The following ATP11A variants were observed in gnomAD, a reference collection of about 807,000 sequenced individuals.
ATP11A encodes ATPase phospholipid transporting 11A, also known as phospholipid-transporting ATPase IH.
A neutral mutation model predicts 154.4 loss-of-function variants in ATP11A; 81 were observed. The ratio of observed to expected loss-of-function variants is 0.52; its 90% CI spans 0.44 to 0.63. ATP11A has a LOEUF of 0.63. Among genes scored for constraint, ATP11A ranks in the 30% least tolerant of loss-of-function variants. The probability of loss-of-function intolerance (pLI) is 0.00; values close to 1 mark genes in which losing one functional copy is unlikely to be tolerated. For synonymous variants in ATP11A, 623 were observed against 585.9 expected (o/e 1.06, Z -0.91); for missense variants, 1,316 against 1,474.3 (o/e 0.89, Z 1.76).
At chr13:112,852,387 C>T (rs748191517) in intron 18 of ATP11A, among the ~76,000 whole-genome samples, 1 of 152,144 alleles carries the variant, frequency 6.6e-6, no homozygotes, top group Non-Finnish European at 1.5e-5. Flanking sequence ...GAGTATTAGG[C>T]GAAGTGGGAA....
intron 17 of ATP11A, among the ~76,000 whole-genome samples, chr13:112,849,052 T>C (rs771054819): frequency 2.0e-5 from 3 of 152,224 alleles, no homozygotes; most frequent in Non-Finnish European, 4.4e-5. Context: ...GTTTATTAAG[T>C]GGTTTTATCA....
At chr13:112,822,322 G>A (rs1340549341) in intron 8 of ATP11A, among the ~76,000 whole-genome samples, 3 of 152,164 alleles carry the variant, frequency 2.0e-5, no homozygotes, top group Non-Finnish European at 4.4e-5. Context: ...GCCCCTGATG[G>A]CAGAGACCCT....
intron 1 of ATP11A, among the ~76,000 whole-genome samples, chr13:112,730,622 T>A (rs1890389785): frequency 6.6e-6 from 1 of 152,232 alleles, no homozygotes; most frequent in Admixed American, 6.5e-5. Context: ...GTGCGGAGTC[T>A]GCGCAGGGCC....
chr13:112,714,942 C>T (rs1888253772), intron 1 of ATP11A, among the ~76,000 whole-genome samples: 1 of 151,844 alleles, frequency 6.6e-6, no homozygotes, highest in Non-Finnish European at 1.5e-5. Context: ...TCTCCTCCTT[C>T]CCCCTTCCCG....
chr13:112,787,273 C>A (rs1356336837), intron 2 of ATP11A, among the ~76,000 whole-genome samples: 2 of 128,756 alleles, frequency 1.6e-5, no homozygotes, highest in Non-Finnish European at 3.1e-5. Flanking sequence ...TGCGTAGACT[C>A]CTGTGGATAC....
At chr13:112,722,277 G>T (rs1006529278) in intron 1 of ATP11A, among the ~76,000 whole-genome samples, 5 of 146,958 alleles carry the variant, frequency 3.4e-5, no homozygotes, top group Non-Finnish European at 7.5e-5. Flanking sequence ...CCGGCGGGGG[G>T]TAGGGGGACC....
chr13:112,862,596 C>T (rs147913980), intron 25 of ATP11A, 21 bp downstream of exon 25: 15 of 1,613,754 alleles, frequency 9.3e-6, no homozygotes, highest in Middle Eastern at 1.7e-4. Flanking sequence ...AGCTCGATTG[C>T]GCTGACTTAG....
intron 1 of ATP11A, among the ~76,000 whole-genome samples, chr13:112,776,886 C>T (rs989861415): frequency 1.3e-5 from 2 of 150,714 alleles, no homozygotes; most frequent in East Asian, 2.0e-4. Context: ...CTTGAGCCCC[C>T]GCGACCAGCC....
chr13:112,827,909 T>C (rs1418375355), intron 12 of ATP11A, among the ~76,000 whole-genome samples: 1 of 152,256 alleles, frequency 6.6e-6, no homozygotes, highest in African/African-American at 2.4e-5. Context: ...CAGTGCTTTA[T>C]TGTTTGAGTC....
At chr13:112,856,234 G>A (rs923979652) in intron 20 of ATP11A, 149 bp downstream of exon 20, 42 of 790,292 alleles carry the variant, frequency 5.3e-5, no homozygotes, top group Middle Eastern at 7.9e-4. Context: ...GATTTAAAAC[G>A]CAGATCTTGT....
intron 4 of ATP11A, among the ~76,000 whole-genome samples, chr13:112,809,274 G>A (rs1290018638): frequency 6.6e-6 from 1 of 152,230 alleles, no homozygotes; most frequent in Admixed American, 6.5e-5. Flanking sequence ...GCAATCAGAT[G>A]CCACAGTGTC....
At chr13:112,803,677 C>T (rs1233951774) in intron 2 of ATP11A, among the ~76,000 whole-genome samples, 2 of 148,006 alleles carry the variant, frequency 1.4e-5, no homozygotes. Flanking sequence ...GCTGGGCATT[C>T]TCCCTCCTTC....
rs2078466857 is a variant in ATP11A, at chr13:112,810,667, T to C, written c.382T>C (p.Cys128Arg). ...RHKADNAMNQCPVHFIQHGKL... is the reference protein window; with the variant it reads ...RHKADNAMNQRPVHFIQHGKL... ...TAAAGCAGACAATGCCATGAACCAG[T>C]GTCCTGTTCATTTCATTCAGCACGG... Residue 128 changes from cysteine to arginine, a missense_variant, in exon 5 of 30, where the codon TGT (cysteine) becomes CGT (arginine). Physicochemically the swap from Cys to Arg is radical, Grantham distance 180 (BLOSUM62 -3). Coordinates refer to ENST00000375645, the MANE Select transcript of ATP11A (RefSeq NM_015205.3). 7 of 1,614,046 alleles carry C rather than the reference T, an allele frequency of 4.3e-6. No homozygotes were observed. The highest frequency in any genetic ancestry group is 1.7e-5 in the Admixed American group (1 of 60,010).
chr13:112,692,205 C>G (rs543705035), intron 1 of ATP11A, among the ~76,000 whole-genome samples: 2 of 152,252 alleles, frequency 1.3e-5, no homozygotes, highest in East Asian at 3.9e-4. Flanking sequence ...TTCCTTCGAG[C>G]GAAATGGAAG....
At chr13:112,845,119 A>G (rs925276835) in intron 17 of ATP11A, among the ~76,000 whole-genome samples, 33 of 151,706 alleles carry the variant, frequency 2.2e-4, no homozygotes, top group Non-Finnish European at 4.4e-4. Context: ...CGGTACTAGT[A>G]CTAGTCCAAG....
intron 17 of ATP11A, among the ~76,000 whole-genome samples, chr13:112,847,576 A>G (rs2079645482): frequency 6.6e-6 from 1 of 152,140 alleles, no homozygotes; most frequent in African/African-American, 2.4e-5. Flanking sequence ...CGGTACCTGG[A>G]GGTTTATTTC....
At chr13:112,715,777 G>T (rs1455496702) in intron 1 of ATP11A, among the ~76,000 whole-genome samples, 1 of 151,868 alleles carries the variant, frequency 6.6e-6, no homozygotes. Context: ...ACCTGTTTCT[G>T]TGTTGCTCTG....
chr13:112,825,369 G>T, intron 10 of ATP11A, 61 bp from the exon 11 acceptor site: 4 of 1,510,740 alleles, frequency 2.6e-6, no homozygotes, highest in Non-Finnish European at 3.6e-6. Flanking sequence ...ATATCTGTGA[G>T]AAGGAAGTGC....
intron 1 of ATP11A, among the ~76,000 whole-genome samples, chr13:112,735,428 C>G (rs1419225357): frequency 6.6e-6 from 1 of 152,168 alleles, no homozygotes; most frequent in Admixed American, 6.5e-5. Context: ...GAACCCACAG[C>G]CGTGATTTCT....
Sources: gnomAD v4.1 joint callset for allele counts (sites outside exome capture counted in the v4.1 genomes callset) on GRCh38, gnomAD v4.1.1 for gene constraint, MANE v1.5 for transcripts, NCBI Gene and HGNC (gene_info 2026-07-23, HGNC 2026-07-21) for gene names.